Variants in ESR1 observed in about 807,000 individuals in gnomAD.
ESR1 encodes estrogen receptor.
Under a neutral mutation model 52.7 loss-of-function variants are expected in ESR1, and 12 were observed. The observed-to-expected ratio is 0.23, with a 90% CI of 0.15 to 0.37. ESR1 has a LOEUF of 0.37. ESR1 is among the 10% of genes least tolerant of loss of function. ESR1 has a pLI of 1.00. For missense variants in ESR1, 584 were observed against 779.7 expected (o/e 0.75, Z 2.99); for synonymous variants, 305 against 316.8 (o/e 0.96, Z 0.39).
intron 5 of ESR1, among the ~76,000 whole-genome samples, chr6:152,056,441 C>T (rs555223026): frequency 6.6e-6 from 1 of 152,132 alleles, no homozygotes; most frequent in African/African-American, 2.4e-5. Context: ...TAAAGAGATG[C>T]TAATGGGTAA....
chr6:152,076,864 A>G (rs2048774030), intron 6 of ESR1, among the ~76,000 whole-genome samples: 1 of 152,238 alleles, frequency 6.6e-6, no homozygotes, highest in South Asian at 2.1e-4. Flanking sequence ...GGGTGTTGTT[A>G]AAACCATTCT....
chr6:151,958,294 T>G (rs1029720028), intron 4 of ESR1, among the ~76,000 whole-genome samples: 6 of 149,774 alleles, frequency 4.0e-5, no homozygotes, highest in Non-Finnish European at 8.8e-5. Context: ...AATAATAAAT[T>G]CACACTAAGG....
chr6:152,100,199 G>A lies in ESR1; in HGVS notation c.*1233G>A, dbSNP rs1048556345. 1.0e-5 allele frequency: 4 copies of A among 397,062 alleles called. No homozygotes were observed. Among genetic ancestry groups the A allele is most frequent in the Admixed American group, 4.4e-5 (1 of 22,696 alleles). 24.6% of individuals were successfully genotyped at this position (397,062 alleles called of 1,614,324 possible). A position where few individuals can be genotyped will look rare whatever the true frequency, so the allele number is the denominator to read the frequency against. ...GTCCAGCTCTTCTTCATTTCCCAGC[G>A]TGGCCCTGGTTGGAAGAAGCAGCTG... On this transcript the variant is annotated 3_prime_UTR_variant, in exon 8 of 8. Coordinates refer to ENST00000206249, the MANE Select transcript of ESR1 (RefSeq NM_000125.4).
chr6:152,070,804 C>T lies in ESR1; in HGVS notation c.1369+9680C>T, dbSNP rs971486629. On this transcript the variant is annotated intron_variant, in intron 6 of 7. Coordinates refer to ENST00000206249, the MANE Select transcript of ESR1 (RefSeq NM_000125.4). ...GAGGGCCCGTGGCTGCTTTTGCAGA[C>T]TGAAATTGATTGTGGTTGATTCAGC... Among the ~76,000 whole-genome samples the T allele has an allele frequency of 1.4e-5, 2 of 139,062 alleles. 1 individual carries two copies. The highest frequency in any genetic ancestry group is 6.3e-5 in the African/African-American group (2 of 31,822). 91.2% of individuals were successfully genotyped at this position (139,062 alleles called of 152,430 possible). A position where few individuals can be genotyped will look rare whatever the true frequency, so the allele number is the denominator to read the frequency against.
intron 1 of ESR1, among the ~76,000 whole-genome samples, chr6:151,832,242 A>T (rs1190503846): frequency 3.3e-5 from 5 of 152,210 alleles, no homozygotes; most frequent in Non-Finnish European, 7.4e-5. Context: ...CATAGCTACC[A>T]CATGGTTAGG....
exon 1 of ESR1, chr6:151,656,724 C>T (rs1777468392): frequency 6.6e-6 from 1 of 152,108 alleles, no homozygotes; most frequent in Admixed American, 6.5e-5. Context: ...TGATACCAAT[C>T]CTTTTGATTG....
At chr6:151,809,243 G>T (rs1160608624) in intron 1 of ESR1, 4 of 427,000 alleles carry the variant, frequency 9.4e-6, no homozygotes, top group Non-Finnish European at 2.0e-5. Flanking sequence ...CAGGACACAG[G>T]AGACCACTTT....
intron 3 of ESR1, among the ~76,000 whole-genome samples, chr6:151,926,852 C>T (rs890257035): frequency 6.6e-6 from 1 of 151,772 alleles, no homozygotes; most frequent in Non-Finnish European, 1.5e-5. Context: ...TCTTTTTTTG[C>T]CTTATTGCAC....
chr6:151,992,007 C>CT (rs918517547), intron 4 of ESR1, among the ~76,000 whole-genome samples: 8 of 152,228 alleles, frequency 5.3e-5, no homozygotes, highest in Admixed American at 1.3e-4. Flanking sequence ...CAGGCTGAGT[C>CT]TCTCTGGTGT....
At chr6:151,929,841 T>C (rs1481269560) in intron 3 of ESR1, among the ~76,000 whole-genome samples, 1 of 152,162 alleles carries the variant, frequency 6.6e-6, no homozygotes, top group East Asian at 1.9e-4. Context: ...AAAGCAAGTG[T>C]TGATATATTT....
At chr6:151,879,830 A>G (rs1407857308) in intron 2 of ESR1, among the ~76,000 whole-genome samples, 2 of 152,162 alleles carry the variant, frequency 1.3e-5, no homozygotes, top group Non-Finnish European at 2.9e-5. Context: ...TGTGAACTGA[A>G]GGACTGAACT....
At chr6:151,809,107 G>T in intron 1 of ESR1, 2 of 379,984 alleles carry the variant, frequency 5.3e-6, no homozygotes, top group South Asian at 3.9e-5. Flanking sequence ...AAGCACAAGT[G>T]CTTAAAAATA....
At chr6:151,673,201 A>T (rs1778136640) in intron 1 of ESR1, among the ~76,000 whole-genome samples, 1 of 152,212 alleles carries the variant, frequency 6.6e-6, no homozygotes. Flanking sequence ...GGATCACTGT[A>T]TGATCAGCAA....
chr6:151,780,088 C>T (rs1020823768), intron 2 of ESR1, among the ~76,000 whole-genome samples: 1 of 151,888 alleles, frequency 6.6e-6, no homozygotes, highest in East Asian at 1.9e-4. Flanking sequence ...GGGTGAGTTC[C>T]ATAATGAGTG....
chr6:151,681,345 C>G (rs1189756530), intron 1 of ESR1, among the ~76,000 whole-genome samples: 1 of 151,854 alleles, frequency 6.6e-6, no homozygotes, highest in Non-Finnish European at 1.5e-5. Context: ...CGAGGAGACT[C>G]TGAGATGACT....
At chr6:151,858,724 A>G (rs1788342754) in intron 2 of ESR1, among the ~76,000 whole-genome samples, 1 of 152,032 alleles carries the variant, frequency 6.6e-6, no homozygotes, top group Admixed American at 6.6e-5. Context: ...AATCTTGTTT[A>G]GGACTCCTCT....
At chr6:151,877,845 T>G (rs1214949167) in intron 2 of ESR1, among the ~76,000 whole-genome samples, 2 of 152,160 alleles carry the variant, frequency 1.3e-5, no homozygotes, top group Non-Finnish European at 2.9e-5. Context: ...GGTCTCGCTC[T>G]GTTGTCCATG....
At chr6:152,005,062 G>A (rs6905370) in intron 4 of ESR1, among the ~76,000 whole-genome samples, 58,110 of 151,714 alleles carry the variant, frequency 0.38, 12,929 homozygotes, top group African/African-American at 0.61. Context: ...ACTACAAGGC[G>A]AGTTTTGTTC....
chr6:151,943,351 G>C (rs1432275900), intron 3 of ESR1, among the ~76,000 whole-genome samples: 1 of 150,838 alleles, frequency 6.6e-6, no homozygotes, highest in East Asian at 1.9e-4. Context: ...CTGCACTCCA[G>C]CCTGGGTGAC....
Sources: allele counts gnomAD v4.1 joint callset (sites outside exome capture counted in the v4.1 genomes callset), GRCh38; gene constraint gnomAD v4.1.1; transcripts MANE v1.5; gene names NCBI Gene and HGNC (gene_info 2026-07-23, HGNC 2026-07-21).